GABRA5: variants seen among roughly 807,000 people sequenced by gnomAD.
The protein encoded by GABRA5 is gamma-aminobutyric acid type A receptor subunit alpha5.
A neutral mutation model predicts 47.3 loss-of-function variants in GABRA5; 18 were observed. The ratio of observed to expected loss-of-function variants is 0.38; its 90% CI spans 0.26 to 0.56. The LOEUF (loss-of-function observed/expected upper bound fraction) is 0.56, where lower values mean the gene tolerates loss of function less well. GABRA5 is among the 20% of genes least tolerant of loss of function. GABRA5 has a pLI of 0.71. For missense variants in GABRA5, 365 were observed against 599.3 expected, an observed-to-expected ratio of 0.61 and a Z score of 4.08; for synonymous variants, 237 against 229.3, an observed-to-expected ratio of 1.03 and a Z score of -0.30.
At chr15:26,888,891 C>T (rs560283370) in intron 6 of GABRA5, among the ~76,000 whole-genome samples, 5 of 152,338 alleles carry the variant, frequency 3.3e-5, no homozygotes, top group Admixed American at 1.3e-4. Context: ...GTGACTGCAA[C>T]AGGCAAGGAG....
intron 7 of GABRA5, among the ~76,000 whole-genome samples, chr15:26,932,031 G>A (rs553496504): frequency 6.6e-6 from 1 of 152,232 alleles, no homozygotes; most frequent in South Asian, 2.1e-4. Flanking sequence ...AGAAAATATA[G>A]GCAATGCTAT....
intron 3 of GABRA5, among the ~76,000 whole-genome samples, chr15:26,874,140 A>G (rs1479795346): frequency 1.3e-5 from 2 of 152,168 alleles, no homozygotes; most frequent in Non-Finnish European, 2.9e-5. Context: ...CAAAGGTTCA[A>G]ATTGCATAAG....
intron 6 of GABRA5, among the ~76,000 whole-genome samples, chr15:26,911,822 G>T (rs981652777): frequency 6.6e-6 from 1 of 152,206 alleles, no homozygotes; most frequent in Non-Finnish European, 1.5e-5. Flanking sequence ...CTTCTAGGCT[G>T]CTTCCAGACC....
At chr15:26,911,555 G>A (rs1240573445) in intron 6 of GABRA5, among the ~76,000 whole-genome samples, 6 of 152,184 alleles carry the variant, frequency 3.9e-5, no homozygotes, top group Non-Finnish European at 7.3e-5. Context: ...CAGAAGGAGC[G>A]GCTCTGGTCC....
At chr15:26,917,581 T>C (rs1165335087) in intron 7 of GABRA5, among the ~76,000 whole-genome samples, 2 of 152,108 alleles carry the variant, frequency 1.3e-5, no homozygotes, top group Non-Finnish European at 2.9e-5. Flanking sequence ...GCAGGACTCA[T>C]AAGTTTGAGT....
intron 10 of GABRA5, among the ~76,000 whole-genome samples, chr15:26,946,735 A>G (rs2140606085): frequency 6.6e-6 from 1 of 151,672 alleles, no homozygotes; most frequent in African/African-American, 2.4e-5. Flanking sequence ...AAACATATCC[A>G]CTATTTTTAT....
At chr15:26,874,918 G>A (rs1892555738) in intron 3 of GABRA5, among the ~76,000 whole-genome samples, 1 of 152,216 alleles carries the variant, frequency 6.6e-6, no homozygotes. Flanking sequence ...ATGGCATTAA[G>A]TGTCATTTTG....
At chr15:26,888,090 A>G (rs1010706116) in intron 6 of GABRA5, among the ~76,000 whole-genome samples, 1 of 152,226 alleles carries the variant, frequency 6.6e-6, no homozygotes, top group South Asian at 2.1e-4. Context: ...ATTCAAAAAA[A>G]GCTGAGGGAA....
chr15:26,886,124 A>T (rs1892873278), intron 6 of GABRA5, among the ~76,000 whole-genome samples: 2 of 152,112 alleles, frequency 1.3e-5, no homozygotes, highest in South Asian at 4.2e-4. Context: ...GGTTCGAGCG[A>T]TTCTCTTGCC....
intron 7 of GABRA5, among the ~76,000 whole-genome samples, chr15:26,921,399 TAG>T (rs985748666): frequency 1.3e-5 from 2 of 152,168 alleles, no homozygotes; most frequent in Non-Finnish European, 2.9e-5. Context: ...TAAATTTGTG[TAG>T]AGTTGTTCAT....
intron 7 of GABRA5, among the ~76,000 whole-genome samples, chr15:26,923,193 C>CT (rs1893882862): frequency 6.6e-6 from 1 of 152,078 alleles, no homozygotes; most frequent in East Asian, 1.9e-4. Context: ...TTACTGTGTT[C>CT]TTTTTTCCTT....
intron 7 of GABRA5, among the ~76,000 whole-genome samples, chr15:26,934,033 G>A (rs550142553): frequency 4.6e-5 from 7 of 151,976 alleles, no homozygotes; most frequent in East Asian, 3.9e-4. Flanking sequence ...CGGGTGTATC[G>A]CTTGAGGCCA....
In GABRA5 at chr15:26,889,630, G is replaced by T. The variant is rs570867704; in HGVS notation, c.497+6073G>T. On this transcript the variant is annotated intron_variant, in intron 6 of 10. Coordinates refer to ENST00000335625, the MANE Select transcript of GABRA5 (RefSeq NM_000810.4). ...GAGATGTGTTTGTATATATGTACAAGCATGCATAGCTATACATTGTCAAGT... is the reference window on the plus strand; with the variant it reads ...GAGATGTGTTTGTATATATGTACAATCATGCATAGCTATACATTGTCAAGT... 2.0e-4 allele frequency among the ~76,000 whole-genome samples: 30 copies of T among 152,294 alleles called. No homozygotes were observed. The South Asian group carries it at 6.2e-3, about 32-fold the overall frequency.
At chr15:26,938,502 A>G (rs1486719093) in intron 8 of GABRA5, among the ~76,000 whole-genome samples, 2 of 152,230 alleles carry the variant, frequency 1.3e-5, no homozygotes, top group Non-Finnish European at 2.9e-5. Flanking sequence ...CCTCAACTCA[A>G]AAATAAAACA....
At chr15:26,898,891 G>A (rs1893262111) in intron 6 of GABRA5, among the ~76,000 whole-genome samples, 2 of 151,988 alleles carry the variant, frequency 1.3e-5, no homozygotes, top group Admixed American at 6.6e-5. Context: ...GGTTTTTGTT[G>A]TCATTTATCT....
chr15:26,916,295 C>A (rs536217431), intron 7 of GABRA5, among the ~76,000 whole-genome samples: 1 of 152,070 alleles, frequency 6.6e-6, no homozygotes, highest in Non-Finnish European at 1.5e-5. Flanking sequence ...ATTTTCCTTT[C>A]CTCTTTAAAA....
intron 6 of GABRA5, among the ~76,000 whole-genome samples, chr15:26,910,114 G>C (rs1347179530): frequency 6.6e-6 from 1 of 151,342 alleles, no homozygotes; most frequent in Non-Finnish European, 1.5e-5. Context: ...GACCAGATTG[G>C]TTAGGCAGTT....
rs779159740 is a variant in GABRA5, at chr15:26,883,208, T to G, written c.251T>G (p.Phe84Cys). The G allele has an allele frequency of 6.2e-7, 1 of 1,613,896 alleles. No homozygotes were observed. The highest frequency in any genetic ancestry group is 8.5e-7 in the Non-Finnish European group (1 of 1,179,854). ...AGGACCGACATCTACGTCACCAGCTTCGGCCCGGTGTCCGACACGGAAATG... is the reference window on the plus strand; with the variant it reads ...AGGACCGACATCTACGTCACCAGCTGCGGCCCGGTGTCCGACACGGAAATG... ...QVRTDIYVTS[F>C]GPVSDTEMEY... Residue 84 changes from phenylalanine (F) to cysteine (C), a missense_variant, in exon 5 of 11, where the codon TTC (phenylalanine) becomes TGC (cysteine). Physicochemically the swap from Phe to Cys is radical, Grantham distance 205. Around this residue, in one of 3 missense-constraint regions of GABRA5, gnomAD observed 216 missense variants for 335.3 expected, o/e 0.64. Coordinates refer to ENST00000335625, the MANE Select transcript of GABRA5 (RefSeq NM_000810.4). The surrounding 1 kb of genome is among the most constrained non-coding windows in gnomAD (Gnocchi z 4.8).
chr15:26,903,215 G>T (rs573490063), intron 6 of GABRA5, among the ~76,000 whole-genome samples: 1 of 152,182 alleles, frequency 6.6e-6, no homozygotes, highest in African/African-American at 2.4e-5. Context: ...GTGGTATTTG[G>T]CTTTCTGTTG....
Sources: allele counts gnomAD v4.1 joint callset (sites outside exome capture counted in the v4.1 genomes callset), GRCh38; gene constraint gnomAD v4.1.1; regional missense constraint gnomAD v4.1.1; non-coding constraint Gnocchi (gnomAD v3.1); transcripts MANE v1.5; gene names NCBI Gene and HGNC (gene_info 2026-07-23, HGNC 2026-07-21).